The following GPC5 variants were observed in gnomAD, a reference collection of about 807,000 sequenced individuals.
The protein encoded by GPC5 is glypican-5.
In GPC5, 47 loss-of-function variants were observed where a neutral mutation model predicts 53.9. That is an observed-to-expected ratio of 0.87 (90% confidence interval 0.69 to 1.11). GPC5 has a LOEUF of 1.11. Ranked by LOEUF, GPC5 falls within the 50% of genes most tolerant of loss-of-function variation. The pLI, the probability that GPC5 is intolerant of heterozygous loss-of-function variation, is 0.00. For synonymous variants in GPC5, 286 were observed against 263.3 expected, an observed-to-expected ratio of 1.09 and a Z score of -0.84; for missense variants, 748 against 713.1, an observed-to-expected ratio of 1.05 and a Z score of -0.56.
At chr13:91,417,168 A>G (rs1262062926) in intron 1 of GPC5, among the ~76,000 whole-genome samples, 7 of 152,174 alleles carry the variant, frequency 4.6e-5, no homozygotes, top group Non-Finnish European at 1.0e-4. Flanking sequence ...CAGGGAATAT[A>G]AGGCACTCTG....
At chr13:92,691,302 A>G (rs1355076071) in intron 7 of GPC5, among the ~76,000 whole-genome samples, 2 of 131,334 alleles carry the variant, frequency 1.5e-5, no homozygotes, top group African/African-American at 3.0e-5. Context: ...GAAAAGCGCA[A>G]TATTCGGGTG....
intron 4 of GPC5, among the ~76,000 whole-genome samples, chr13:91,755,478 T>TGAAG (rs1423565150): frequency 1.3e-5 from 2 of 152,112 alleles, no homozygotes; most frequent in Non-Finnish European, 2.9e-5. Context: ...AAAATCATAA[T>TGAAG]GAAGGCCTTT....
At chr13:91,558,005 G>T (rs1336220) in intron 2 of GPC5, among the ~76,000 whole-genome samples, 67,110 of 151,992 alleles carry the variant, frequency 0.44, 18,127 homozygotes, top group East Asian at 0.71. Flanking sequence ...TGTTTTGAGA[G>T]AGTCTTAGCA....
chr13:91,717,550 C>G (rs79761030), intron 3 of GPC5, among the ~76,000 whole-genome samples: 2,078 of 152,056 alleles, frequency 0.014, 40 homozygotes, highest in African/African-American at 0.048. Context: ...AGCAGAACAG[C>G]CTTTGCTTGC....
chr13:92,515,491 G>A (rs1880738481), intron 7 of GPC5, among the ~76,000 whole-genome samples: 1 of 152,138 alleles, frequency 6.6e-6, no homozygotes, highest in Non-Finnish European at 1.5e-5. Flanking sequence ...TTAGATGCTT[G>A]GGAAGGTGGC....
chr13:92,416,179 T>C (rs1876281423), intron 7 of GPC5, among the ~76,000 whole-genome samples: 1 of 152,200 alleles, frequency 6.6e-6, no homozygotes, highest in South Asian at 2.1e-4. Flanking sequence ...ATCCTAGTCT[T>C]CTCCAAAAAT....
chr13:92,410,343 T>C (rs1215901588), intron 7 of GPC5, among the ~76,000 whole-genome samples: 3 of 152,166 alleles, frequency 2.0e-5, no homozygotes, highest in Non-Finnish European at 2.9e-5. Flanking sequence ...TATTTTACAT[T>C]TTAGATAATT....
At chr13:91,589,214 A>G (rs1481636900) in intron 2 of GPC5, among the ~76,000 whole-genome samples, 1 of 151,860 alleles carries the variant, frequency 6.6e-6, no homozygotes, top group Non-Finnish European at 1.5e-5. Context: ...CACTTTTCTA[A>G]TCCTCCTGCC....
intron 7 of GPC5, among the ~76,000 whole-genome samples, chr13:92,268,342 A>G (rs1480598749): frequency 6.6e-6 from 1 of 150,390 alleles, no homozygotes; most frequent in Non-Finnish European, 1.5e-5. Flanking sequence ...GATTTGGTAT[A>G]TATCTCTTTC....
Position 92,837,352 on chromosome 13 carries a change from C to T in GPC5, c.1562-28930C>T, listed in dbSNP as rs541876533. 3.0e-4 allele frequency among the ~76,000 whole-genome samples: 46 copies of T among 152,262 alleles called. No homozygotes were observed. In the South Asian group the frequency reaches 8.9e-3, roughly 29 times the overall value. ...AATCAAATTAGCAAGCACCAATCAT[C>T]TTTGAGACAGTGACACCAATCTGAT... On this transcript the variant is annotated intron_variant, in intron 7 of 7. Transcript: ENST00000377067.
chr13:91,577,533 T>C (rs1047461863), intron 2 of GPC5, among the ~76,000 whole-genome samples: 1 of 152,210 alleles, frequency 6.6e-6, no homozygotes, highest in Admixed American at 6.5e-5. Context: ...CTGTTGTTGA[T>C]GCCTTCCTAT....
chr13:92,791,471 G>C (rs1876461650), intron 7 of GPC5, among the ~76,000 whole-genome samples: 1 of 151,798 alleles, frequency 6.6e-6, no homozygotes, highest in Non-Finnish European at 1.5e-5. Flanking sequence ...ACAAAGGAGG[G>C]ACAATAGTAG....
chr13:92,362,473 G>A (rs61973560), intron 7 of GPC5, among the ~76,000 whole-genome samples: 5,985 of 151,860 alleles, frequency 0.039, 187 homozygotes, highest in East Asian at 0.095. Context: ...AGGCAAACAT[G>A]TTTGAAAAAC....
intron 7 of GPC5, among the ~76,000 whole-genome samples, chr13:92,558,366 A>C (rs189952038): frequency 6.6e-6 from 1 of 152,204 alleles, no homozygotes; most frequent in Admixed American, 6.6e-5. Context: ...CAAGTGACAT[A>C]TCTCAGAGAT....
At chr13:91,834,249 C>T (rs1392714725) in intron 5 of GPC5, among the ~76,000 whole-genome samples, 1 of 151,888 alleles carries the variant, frequency 6.6e-6, no homozygotes, top group African/African-American at 2.4e-5. Context: ...TAAGAGAGGA[C>T]ACAAATAAAT....
At chr13:91,492,542 T>G (rs1489363138) in intron 2 of GPC5, among the ~76,000 whole-genome samples, 1 of 152,158 alleles carries the variant, frequency 6.6e-6, no homozygotes, top group Non-Finnish European at 1.5e-5. Context: ...TGAGTTCGCC[T>G]TTTTTCTGTC....
intron 7 of GPC5, among the ~76,000 whole-genome samples, chr13:92,716,946 A>G (rs1566381472): frequency 6.6e-6 from 1 of 152,132 alleles, no homozygotes; most frequent in South Asian, 2.1e-4. Context: ...AGATAACATT[A>G]TCCCTATTTT....
intron 7 of GPC5, among the ~76,000 whole-genome samples, chr13:92,407,258 G>A (rs1229076631): frequency 6.6e-6 from 1 of 152,148 alleles, no homozygotes; most frequent in East Asian, 1.9e-4. Flanking sequence ...TGTGAAAGAG[G>A]AAGAATTATC....
intron 7 of GPC5, among the ~76,000 whole-genome samples, chr13:92,390,730 G>GA (rs1400512138): frequency 1.8e-4 from 27 of 151,678 alleles, no homozygotes; most frequent in African/African-American, 5.8e-4. Context: ...CCAAAAAAGA[G>GA]AAAAAAAAGC....
Sources: gnomAD v4.1 joint callset for allele counts (sites outside exome capture counted in the v4.1 genomes callset) on GRCh38, gnomAD v4.1.1 for gene constraint, MANE v1.5 for transcripts, NCBI Gene and HGNC (gene_info 2026-07-23, HGNC 2026-07-21) for gene names.